The following ABCD3 variants were observed in gnomAD, a reference collection of about 807,000 sequenced individuals.
The protein encoded by ABCD3 is ATP-binding cassette sub-family D member 3.
ABCD3 carries 41 observed loss-of-function variants against 105.5 expected under a neutral mutation model. That is an observed-to-expected ratio of 0.39 (90% confidence interval 0.30 to 0.50). ABCD3 has a LOEUF of 0.50. Among genes scored for constraint, ABCD3 ranks in the 20% least tolerant of loss-of-function variants. ABCD3 has a pLI of 0.84. For synonymous variants in ABCD3, 258 were observed against 269.0 expected (o/e 0.96, Z 0.40); for missense variants, 622 against 806.3 (o/e 0.77, Z 2.77).
chr1:94,402,878 G>A, the ABCD3 span, among the ~76,000 whole-genome samples: 5,940 of 151,484 alleles, frequency 0.039, 146 homozygotes, highest in Non-Finnish European at 0.053. Context: ...ATGTATACGT[G>A]TGCCATGCTG....
intron 1 of ABCD3, among the ~76,000 whole-genome samples, chr1:94,447,420 T>A (rs1429248903): frequency 6.6e-6 from 1 of 152,206 alleles, no homozygotes; most frequent in Non-Finnish European, 1.5e-5. Context: ...AGTCATAGAT[T>A]TAAAAGACTG....
chr1:94,504,150 A>G (rs1650240550), intron 20 of ABCD3, among the ~76,000 whole-genome samples: 1 of 151,092 alleles, frequency 6.6e-6, no homozygotes, highest in African/African-American at 2.4e-5. Context: ...TAACCTTGTG[A>G]TCTGCCTGCC....
rs548338313 is a variant in ABCD3, at chr1:94,502,536, G to T, written c.1740+2922G>T. 2.8e-5 allele frequency among the ~76,000 whole-genome samples: 4 copies of T among 144,870 alleles called. No individual in the cohort carries two copies. The South Asian group carries it at 8.8e-4, about 32-fold the overall frequency. On this transcript the variant is annotated intron_variant, in intron 20 of 22. Transcript: ENST00000370214. Reference sequence around the variant, plus strand: ...TTTTGAGACAGAGTCTCATTCTGTCGCCCAGGCCGGAGTGCAGTGGCACAA... The same window carrying T: ...TTTTGAGACAGAGTCTCATTCTGTCTCCCAGGCCGGAGTGCAGTGGCACAA...
intron 1 of ABCD3, among the ~76,000 whole-genome samples, chr1:94,422,505 G>A (rs971509482): frequency 6.6e-6 from 1 of 152,180 alleles, no homozygotes; most frequent in Non-Finnish European, 1.5e-5. Flanking sequence ...GGAGACTACT[G>A]CTCTAGGTAT....
chr1:94,447,934 C>G (rs1660420455), intron 1 of ABCD3, among the ~76,000 whole-genome samples: 1 of 152,212 alleles, frequency 6.6e-6, no homozygotes, highest in African/African-American at 2.4e-5. Context: ...AATCTATTTT[C>G]TATCCTTAGA....
intron 1 of ABCD3, among the ~76,000 whole-genome samples, chr1:94,434,882 T>A (rs1422631261): frequency 6.6e-6 from 1 of 152,218 alleles, no homozygotes; most frequent in Non-Finnish European, 1.5e-5. Flanking sequence ...AAGTAATTGC[T>A]ATCCTGACTT....
At chr1:94,478,825 G>A (rs372315530) in intron 8 of ABCD3, 53 of 369,336 alleles carry the variant, frequency 1.4e-4, no homozygotes, top group African/African-American at 1.1e-3. Flanking sequence ...CATTTAGAGT[G>A]GGTGTAACAG....
At position 94,498,785 on chromosome 1, in the gene ABCD3, A is replaced by T; in HGVS notation, c.1467A>T (p.Leu489Phe). The T allele has an allele frequency of 6.2e-7, 1 of 1,613,772 alleles. No homozygotes were observed. Residue 489 changes from leucine (L) to phenylalanine (F), a missense_variant and splice_region_variant, in exon 18 of 23, where the codon TTA becomes TTT. By Grantham distance (22) the Leu-to-Phe change is conservative. This residue lies in a region of ABCD3 where 285 missense variants were observed against 352.5 expected (regional missense o/e 0.81). Coordinates refer to ENST00000370214, the MANE Select transcript of ABCD3 (RefSeq NM_002858.4). ...KSSLFRVLGE[L>F]WPLFGGRLTK... Reference sequence around the variant, plus strand: ...TCTCCCTTCTCTCTCTTTAATAGTTATGGCCTCTTTTTGGAGGACGTCTAA... The same window carrying T: ...TCTCCCTTCTCTCTCTTTAATAGTTTTGGCCTCTTTTTGGAGGACGTCTAA...
the ABCD3 span, among the ~76,000 whole-genome samples, chr1:94,396,790 A>C: frequency 6.6e-6 from 1 of 152,190 alleles, no homozygotes; most frequent in East Asian, 1.9e-4. Flanking sequence ...GATGGGAATG[A>C]AATGGTTCCC....
At chr1:94,487,863 G>A (rs770915037) in intron 12 of ABCD3, 29 bp from the exon 13 acceptor site, 2 of 1,606,472 alleles carry the variant, frequency 1.2e-6, no homozygotes, top group Admixed American at 1.7e-5. Flanking sequence ...AGAACTATAA[G>A]TAAAAACTAA....
At chr1:94,513,631 A>G (rs557566274) in intron 21 of ABCD3, 1 of 152,214 alleles carries the variant, frequency 6.6e-6, no homozygotes, top group East Asian at 1.9e-4. Flanking sequence ...ATGAAACTAA[A>G]CCAGTGGTTT....
At chr1:94,448,662 T>C (rs1660452559) in intron 1 of ABCD3, among the ~76,000 whole-genome samples, 1 of 152,280 alleles carries the variant, frequency 6.6e-6, no homozygotes, top group Non-Finnish European at 1.5e-5. Flanking sequence ...TATGTTTTCT[T>C]CTGCCTGTGT....
chr1:94,393,677 G>A, the ABCD3 span, among the ~76,000 whole-genome samples: 9 of 151,782 alleles, frequency 5.9e-5, no homozygotes, highest in Non-Finnish European at 1.2e-4. Context: ...AGAAGATTGC[G>A]ACTGAAGACA....
At chr1:94,442,113 G>C (rs944761063) in intron 1 of ABCD3, among the ~76,000 whole-genome samples, 4 of 152,136 alleles carry the variant, frequency 2.6e-5, no homozygotes, top group African/African-American at 9.7e-5. Context: ...GAAGAATAAA[G>C]CAAATTTGTT....
At chr1:94,488,028 A>C (rs759154244) in intron 13 of ABCD3, 45 bp downstream of exon 13, 1 of 1,412,568 alleles carries the variant, frequency 7.1e-7, no homozygotes, top group Admixed American at 1.7e-5. Flanking sequence ...AATTTTTAAA[A>C]ATATATTATC....
In ABCD3 at chr1:94,443,178, A is replaced by G. The variant is rs895821358; in HGVS notation, c.111-15429A>G. 2.6e-5 allele frequency among the ~76,000 whole-genome samples: 4 copies of G among 152,202 alleles called. No individual in the cohort carries two copies. In the East Asian group the frequency reaches 5.8e-4, roughly 22 times the overall value. On this transcript the variant is annotated intron_variant, in intron 1 of 22. Transcript: ENST00000370214. ...CCATTTTGACTGGTATAGGATGGTA[A>G]TCTCCTTGTGGTTTTAGTTTGCATT...
chr1:94,467,156 T>G (rs926774962), intron 3 of ABCD3, among the ~76,000 whole-genome samples: 6 of 152,230 alleles, frequency 3.9e-5, no homozygotes, highest in African/African-American at 1.4e-4. Context: ...GAGAATTTTA[T>G]GTGTGTAAAC....
At chr1:94,414,823 C>T (rs928441614), upstream of ABCD3, among the ~76,000 whole-genome samples, 5 of 152,204 alleles carry the variant, frequency 3.3e-5, no homozygotes, top group Admixed American at 6.5e-5. Flanking sequence ...GTCACAGTGT[C>T]TGCATAATAA....
At chr1:94,483,128 A>G (rs1288278106) in intron 9 of ABCD3, 42 bp from the exon 10 acceptor site, 1 of 1,251,708 alleles carries the variant, frequency 8.0e-7, no homozygotes, top group Non-Finnish European at 1.2e-6. Context: ...TTCCAAGCAT[A>G]GGTAACATTA....
Sources: gnomAD v4.1 joint callset for allele counts (sites outside exome capture counted in the v4.1 genomes callset) on GRCh38, gnomAD v4.1.1 for gene constraint, gnomAD v4.1.1 regional missense constraint, MANE v1.5 for transcripts, NCBI Gene and HGNC (gene_info 2026-07-23, HGNC 2026-07-21) for gene names.